The following KIF16B variants were observed in gnomAD, a reference collection of about 807,000 sequenced individuals.
KIF16B encodes the protein kinesin-like protein KIF16B.
A neutral mutation model predicts 156.3 loss-of-function variants in KIF16B; 98 were observed. The ratio of observed to expected loss-of-function variants is 0.63; its 90% CI spans 0.53 to 0.74. KIF16B has a LOEUF of 0.74. KIF16B is among the 30% of genes least tolerant of loss of function. The pLI, the probability that KIF16B is intolerant of heterozygous loss-of-function variation, is 0.00. For missense variants in KIF16B, 1,421 were observed against 1,606.5 expected (o/e 0.88, Z 1.97); for synonymous variants, 564 against 583.7 (o/e 0.97, Z 0.49).
intron 25 of KIF16B, among the ~76,000 whole-genome samples, chr20:16,291,712 A>G (rs1268783947): frequency 6.6e-6 from 1 of 152,238 alleles, no homozygotes; most frequent in Admixed American, 6.5e-5. Context: ...TTTCAAAGTA[A>G]GAAATGTCAG....
At chr20:16,376,467 C>T (rs868563334) in intron 19 of KIF16B, among the ~76,000 whole-genome samples, 1 of 152,172 alleles carries the variant, frequency 6.6e-6, no homozygotes, top group Non-Finnish European at 1.5e-5. Context: ...CCAAGTCAGG[C>T]TGCACGGTGA....
At chr20:16,450,196 C>T (rs189943591) in intron 12 of KIF16B, among the ~76,000 whole-genome samples, 41 of 152,174 alleles carry the variant, frequency 2.7e-4, no homozygotes, top group South Asian at 1.2e-3. Flanking sequence ...TAGATCTTTG[C>T]TAATTTAGAT....
At chr20:16,562,737 C>T (rs1194941058) in intron 1 of KIF16B, among the ~76,000 whole-genome samples, 1 of 152,138 alleles carries the variant, frequency 6.6e-6, no homozygotes, top group African/African-American at 2.4e-5. Context: ...CACATACACA[C>T]ACGTATACAT....
intron 25 of KIF16B, among the ~76,000 whole-genome samples, chr20:16,275,626 G>T (rs1272599313): frequency 6.6e-6 from 1 of 152,076 alleles, no homozygotes; most frequent in Non-Finnish European, 1.5e-5. Flanking sequence ...GTTTTTTCTT[G>T]TTCCATATCC....
chr20:16,559,879 C>G (rs2070995538), intron 1 of KIF16B, among the ~76,000 whole-genome samples: 1 of 152,078 alleles, frequency 6.6e-6, no homozygotes. Context: ...TCTGAGAAAT[C>G]TGAATAAAGT....
chr20:16,426,555 T>C (rs1462547530), intron 15 of KIF16B, among the ~76,000 whole-genome samples: 1 of 152,144 alleles, frequency 6.6e-6, no homozygotes, highest in Non-Finnish European at 1.5e-5. Context: ...GTTAGTGTCC[T>C]AATGTAGATG....
At chr20:16,539,389 T>A (rs151241331) in intron 1 of KIF16B, among the ~76,000 whole-genome samples, 1 of 152,318 alleles carries the variant, frequency 6.6e-6, no homozygotes, top group Non-Finnish European at 1.5e-5. Context: ...GCAAAGGTCA[T>A]CCTTGTTATG....
At chr20:16,485,721 A>C (rs1334777380) in intron 12 of KIF16B, among the ~76,000 whole-genome samples, 2 of 152,200 alleles carry the variant, frequency 1.3e-5, no homozygotes, top group Non-Finnish European at 2.9e-5. Context: ...AACAAAAGAG[A>C]CAGAAACTGT....
chr20:16,464,657 C>G (rs879491720), intron 12 of KIF16B, among the ~76,000 whole-genome samples: 10 of 152,138 alleles, frequency 6.6e-5, no homozygotes, highest in Non-Finnish European at 1.3e-4. Flanking sequence ...GGCCCCTGCC[C>G]TCTAGTTCCT....
intron 12 of KIF16B, among the ~76,000 whole-genome samples, chr20:16,487,364 C>T (rs1217755695): frequency 6.6e-6 from 1 of 152,134 alleles, no homozygotes; most frequent in African/African-American, 2.4e-5. Context: ...CCCTGGACAA[C>T]AGGAATCCAG....
intron 11 of KIF16B, among the ~76,000 whole-genome samples, chr20:16,495,717 T>C (rs1293347384): frequency 6.6e-6 from 1 of 152,098 alleles, no homozygotes; most frequent in African/African-American, 2.4e-5. Flanking sequence ...AGAGATGGGG[T>C]CTCACACTGT....
chr20:16,458,568 T>A (rs751775786), intron 12 of KIF16B, among the ~76,000 whole-genome samples: 1 of 152,138 alleles, frequency 6.6e-6, no homozygotes, highest in Non-Finnish European at 1.5e-5. Flanking sequence ...ATAAATGTGG[T>A]TTAATATTCC....
At chr20:16,328,166 C>T (rs1213537970) in intron 24 of KIF16B, among the ~76,000 whole-genome samples, 1 of 152,158 alleles carries the variant, frequency 6.6e-6, no homozygotes, top group East Asian at 1.9e-4. Context: ...TCTTCCCTCC[C>T]ACTAGTATTT....
At chr20:16,366,545 G>A (rs1568889536) in intron 22 of KIF16B, among the ~76,000 whole-genome samples, 1 of 152,162 alleles carries the variant, frequency 6.6e-6, no homozygotes, top group African/African-American at 2.4e-5. Context: ...AAGTATGAAA[G>A]GAGGAAGGTA....
In KIF16B at chr20:16,429,188, G is replaced by C. The variant is rs574922550; in HGVS notation, c.1423-184C>G. On this transcript the variant is annotated intron_variant, in intron 13 of 25. Coordinates refer to ENST00000354981, the MANE Select transcript of KIF16B (RefSeq NM_024704.5). ...AAAAAAGCCCCAGTTGTCTGGAAAG[G>C]TTTAATGTACAGCAATGGTGAGGCC... is the stretch of plus-strand genomic sequence containing the variant. Among the ~76,000 whole-genome samples, 176 of 152,314 alleles carry C rather than the reference G, an allele frequency of 1.2e-3. 1 individual carries two copies. The highest frequency in any genetic ancestry group is 3.2e-3 in the African/African-American group (134 of 41,566).
intron 1 of KIF16B, among the ~76,000 whole-genome samples, chr20:16,572,264 T>A (rs571714719): frequency 1.3e-5 from 2 of 152,380 alleles, no homozygotes; most frequent in East Asian, 3.9e-4. Context: ...GGAAATCTTT[T>A]GATTTTATGG....
intron 12 of KIF16B, among the ~76,000 whole-genome samples, chr20:16,483,711 T>C (rs1420442125): frequency 1.3e-5 from 2 of 152,066 alleles, no homozygotes; most frequent in Admixed American, 1.3e-4. Flanking sequence ...GTGACCAACG[T>C]CAGAAAAATC....
intron 24 of KIF16B, among the ~76,000 whole-genome samples, chr20:16,325,149 C>G (rs887495321): frequency 6.6e-6 from 1 of 151,842 alleles, no homozygotes; most frequent in Non-Finnish European, 1.5e-5. Flanking sequence ...AAGGGACACA[C>G]CTTAAGTTAG....
chr20:16,530,512 C>A (rs1035242513), intron 1 of KIF16B, among the ~76,000 whole-genome samples: 1 of 152,156 alleles, frequency 6.6e-6, no homozygotes, highest in African/African-American at 2.4e-5. Context: ...GCTAGCAGCA[C>A]GCCAGACAGC....
Sources: gnomAD v4.1 joint callset for allele counts (sites outside exome capture counted in the v4.1 genomes callset) on GRCh38, gnomAD v4.1.1 for gene constraint, MANE v1.5 for transcripts, NCBI Gene and HGNC (gene_info 2026-07-23, HGNC 2026-07-21) for gene names.